The following NELL2 variants were observed in gnomAD, a reference collection of about 807,000 sequenced individuals.
NELL2 encodes the protein protein kinase C-binding protein NELL2.
In NELL2, 41 loss-of-function variants were observed where a neutral mutation model predicts 109.6. That is an observed-to-expected ratio of 0.37 (90% CI 0.29 to 0.49). The LOEUF (loss-of-function observed/expected upper bound fraction) is 0.49. Ranked by LOEUF, NELL2 falls within the 20% of genes least tolerant of loss-of-function variation. NELL2 has a pLI of 0.98. For missense variants in NELL2, 900 were observed against 1,008.3 expected, an observed-to-expected ratio of 0.89 and a Z score of 1.45; for synonymous variants, 355 against 344.7, an observed-to-expected ratio of 1.03 and a Z score of -0.33.
rs539638970 is a variant in NELL2, at chr12:44,818,809, C to T, written c.185-2673G>A. 3.9e-5 allele frequency among the ~76,000 whole-genome samples: 5 copies of T among 129,746 alleles called. No individual in the cohort carries two copies. The East Asian group carries it at 9.5e-4, about 25-fold the overall frequency. 85.1% of individuals were successfully genotyped at this position (129,746 alleles called of 152,430 possible). A position where few individuals can be genotyped will look rare whatever the true frequency, so the allele number is the denominator to read the frequency against. ...GGACTGCGGACTGCAGTGGCGCAAT[C>T]TCGGCTCACTGCAAGCTCCGCTTCC... On this transcript the variant is annotated intron_variant, in intron 2 of 19. Transcript: ENST00000429094.
At chr12:44,703,961 T>A (rs918486388) in intron 11 of NELL2, 107 bp from the exon 12 acceptor site, 2 of 917,796 alleles carry the variant, frequency 2.2e-6, no homozygotes, top group African/African-American at 3.4e-5. Flanking sequence ...CCTAAATAAT[T>A]TTTTAATTAG....
chr12:44,669,024 C>T (rs1191188607), intron 12 of NELL2, among the ~76,000 whole-genome samples: 1 of 152,158 alleles, frequency 6.6e-6, no homozygotes, highest in Non-Finnish European at 1.5e-5. Context: ...CAATGCACCA[C>T]TGGTGCCCAG....
At chr12:44,648,160 C>A (rs1249987849) in intron 13 of NELL2, among the ~76,000 whole-genome samples, 1 of 152,144 alleles carries the variant, frequency 6.6e-6, no homozygotes, top group Admixed American at 6.5e-5. Flanking sequence ...GTGTTGGAAG[C>A]ACTGAAGCTT....
intron 19 of NELL2, among the ~76,000 whole-genome samples, chr12:44,519,684 T>C (rs571242549): frequency 6.6e-6 from 1 of 152,258 alleles, no homozygotes; most frequent in South Asian, 2.1e-4. Flanking sequence ...AGAAGAAACA[T>C]GAGGTTTGTT....
At chr12:44,562,862 G>C (rs1217346539) in intron 15 of NELL2, among the ~76,000 whole-genome samples, 1 of 152,174 alleles carries the variant, frequency 6.6e-6, no homozygotes, top group Non-Finnish European at 1.5e-5. Context: ...AAAGACACAT[G>C]CACACGTATG....
At chr12:44,783,701 A>G (rs1030388968) in intron 3 of NELL2, among the ~76,000 whole-genome samples, 2 of 152,022 alleles carry the variant, frequency 1.3e-5, no homozygotes, top group East Asian at 3.9e-4. Flanking sequence ...ACTCCAAAAA[A>G]TTAAATCTCC....
chr12:44,829,317 T>C (rs1036395300), intron 2 of NELL2, among the ~76,000 whole-genome samples: 1 of 152,158 alleles, frequency 6.6e-6, no homozygotes, highest in African/African-American at 2.4e-5. Context: ...TACCTATAAA[T>C]AGCAGTCTCA....
At chr12:44,687,789 A>C (rs895192820) in intron 12 of NELL2, among the ~76,000 whole-genome samples, 1 of 152,240 alleles carries the variant, frequency 6.6e-6, no homozygotes, top group Non-Finnish European at 1.5e-5. Context: ...AGTTGCAAAA[A>C]GACTTTTTAA....
chr12:44,514,931 TATA>T (rs1428930463), intron 19 of NELL2, among the ~76,000 whole-genome samples: 1 of 150,942 alleles, frequency 6.6e-6, no homozygotes. Context: ...CTAATTATAA[TATA>T]ATAAGTTAAT....
chr12:44,792,874 A>C (rs909263537), intron 3 of NELL2, among the ~76,000 whole-genome samples: 1 of 152,206 alleles, frequency 6.6e-6, no homozygotes, highest in Non-Finnish European at 1.5e-5. Flanking sequence ...TCCGAATCTA[A>C]AAATCTGTCC....
chr12:44,801,115 T>C (rs889491899), intron 3 of NELL2, among the ~76,000 whole-genome samples: 1 of 152,166 alleles, frequency 6.6e-6, no homozygotes, highest in African/African-American at 2.4e-5. Context: ...CCCTAAATTG[T>C]AGCTATTATA....
intron 2 of NELL2, among the ~76,000 whole-genome samples, chr12:44,831,173 C>A (rs1389529667): frequency 6.6e-6 from 1 of 151,988 alleles, no homozygotes; most frequent in Non-Finnish European, 1.5e-5. Flanking sequence ...ACAGAAGATT[C>A]ACTTACTGTC....
At chr12:44,562,371 G>A (rs1237473495) in intron 15 of NELL2, among the ~76,000 whole-genome samples, 6 of 152,160 alleles carry the variant, frequency 3.9e-5, no homozygotes, top group African/African-American at 1.2e-4. Context: ...TCATCAGAGT[G>A]AACAGGCAGC....
intron 1 of NELL2, among the ~76,000 whole-genome samples, chr12:44,886,804 AT>A (rs1386382329): frequency 2.6e-5 from 4 of 151,768 alleles, no homozygotes; most frequent in Admixed American, 6.6e-5. Flanking sequence ...ACTTCTCTTC[AT>A]CCTCCCCTCC....
intron 12 of NELL2, among the ~76,000 whole-genome samples, chr12:44,682,690 T>G (rs914777095): frequency 1.7e-4 from 26 of 152,176 alleles, no homozygotes; most frequent in African/African-American, 1.9e-4. Flanking sequence ...TTTCCCCATT[T>G]CTTGTTTTTG....
At chr12:44,891,071 C>T (rs1316337094) in intron 1 of NELL2, among the ~76,000 whole-genome samples, 4 of 152,166 alleles carry the variant, frequency 2.6e-5, no homozygotes, top group South Asian at 2.1e-4. Context: ...GTGGAAAAGG[C>T]ACCTTCTCTA....
intron 1 of NELL2, among the ~76,000 whole-genome samples, chr12:44,892,431 G>T (rs1347942212): frequency 1.3e-5 from 2 of 152,096 alleles, no homozygotes; most frequent in South Asian, 4.1e-4. Context: ...AAGTTTTCAT[G>T]GATCATTTCC....
intron 2 of NELL2, among the ~76,000 whole-genome samples, chr12:44,855,510 T>C (rs1944658804): frequency 6.6e-6 from 1 of 152,174 alleles, no homozygotes; most frequent in Admixed American, 6.5e-5. Flanking sequence ...AATTCTAAGG[T>C]CTTTCAATCA....
intron 19 of NELL2, among the ~76,000 whole-genome samples, chr12:44,518,389 C>A (rs544029330): frequency 5.9e-5 from 9 of 152,124 alleles, no homozygotes; most frequent in African/African-American, 1.9e-4. Flanking sequence ...GGACTACAGG[C>A]ACCCACCACC....
Sources: gnomAD v4.1 joint callset for allele counts (sites outside exome capture counted in the v4.1 genomes callset) on GRCh38, gnomAD v4.1.1 for gene constraint, MANE v1.5 for transcripts, NCBI Gene and HGNC (gene_info 2026-07-23, HGNC 2026-07-21) for gene names.